The following JADE3 variants were observed in gnomAD, a reference collection of about 807,000 sequenced individuals.
The protein encoded by JADE3 is protein Jade-3.
A neutral mutation model predicts 50.1 loss-of-function variants in JADE3; 2 were observed. The observed-to-expected ratio is 0.04, with a 90% CI of 0.02 to 0.13. The LOEUF is 0.13. Among genes scored for constraint, JADE3 ranks in the 10% least tolerant of loss-of-function variants. The pLI, the probability that JADE3 is intolerant of heterozygous loss-of-function variation, is 1.00. For synonymous variants in JADE3, 218 were observed against 232.9 expected, an observed-to-expected ratio of 0.94 and a Z score of 0.58; for missense variants, 475 against 634.4, an observed-to-expected ratio of 0.75 and a Z score of 2.70.
At chrX:46,969,833 A>T (rs1436555544) in intron 1 of JADE3, among the ~76,000 whole-genome samples, 1 of 112,125 alleles carries the variant, frequency 8.9e-6, no homozygotes, top group Non-Finnish European at 1.9e-5. Flanking sequence ...CCATCTCAAA[A>T]AGAAAAACTT....
At chrX:47,037,058 C>A (rs1482001933) in intron 7 of JADE3, among the ~76,000 whole-genome samples, 13 of 96,963 alleles carry the variant, frequency 1.3e-4, no homozygotes, top group African/African-American at 5.1e-4. Context: ...ATGTATACAT[C>A]TGTAACTAAC....
intron 1 of JADE3, among the ~76,000 whole-genome samples, chrX:46,932,755 A>G (rs1556340142): frequency 9.0e-6 from 1 of 111,485 alleles, no homozygotes; most frequent in African/African-American, 3.3e-5. Flanking sequence ...AATTTTGGAT[A>G]CCTCTGCAGG....
At chrX:47,032,884 A>G (rs782348230) in intron 6 of JADE3, among the ~76,000 whole-genome samples, 4 of 111,575 alleles carry the variant, frequency 3.6e-5, no homozygotes, top group African/African-American at 6.5e-5. Context: ...AGTCTCTAAT[A>G]GAGTAGAGCA....
intron 1 of JADE3, among the ~76,000 whole-genome samples, chrX:46,973,258 A>C (rs1189938075): frequency 8.9e-6 from 1 of 112,518 alleles, no homozygotes; most frequent in Admixed American, 9.4e-5. Context: ...GTAAATTTGT[A>C]TGTTCTTCCT....
intron 1 of JADE3, among the ~76,000 whole-genome samples, chrX:46,928,635 G>A (rs1556339347): frequency 8.9e-6 from 1 of 112,212 alleles, no homozygotes; most frequent in Non-Finnish European, 1.9e-5. Context: ...CGAGGCTGGA[G>A]TACAGTGGTG....
At chrX:47,034,919 C>T (rs1326717320) in intron 7 of JADE3, among the ~76,000 whole-genome samples, 6 of 110,382 alleles carry the variant, frequency 5.4e-5, no homozygotes, top group African/African-American at 2.0e-4. Flanking sequence ...CGGCCGATGC[C>T]CTTTACTTTT....
rs782259335 is a variant in JADE3, at chrX:47,028,036, G to A, written c.620G>A (p.Arg207Gln). The A allele has an allele frequency of 1.5e-5, 18 of 1,206,959 alleles. No individual in the cohort carries two copies. Among genetic ancestry groups the A allele is most frequent in the East Asian group, 1.2e-4 (4 of 33,717 alleles). ...YDEDVICDVC[R>Q]SPDSEEGNDM... Reference sequence around the variant, plus strand: ...GAAGATGTGATCTGTGATGTGTGCCGGTCTCCAGACAGTGAAGAAGGGAAT... The same window carrying A: ...GAAGATGTGATCTGTGATGTGTGCCAGTCTCCAGACAGTGAAGAAGGGAAT... The change falls in exon 6 of 11, where the codon CGG (arginine) becomes CAG (glutamine). Residue 207 changes from arginine (R) to glutamine (Q), a missense_variant. This residue lies in a region of JADE3 where 54 missense variants were observed against 156.2 expected (regional missense o/e 0.35). Transcript: ENST00000614628.
At chrX:46,971,108 ATTTTT>A (rs199889056) in intron 1 of JADE3, among the ~76,000 whole-genome samples, 1 of 46,028 alleles carries the variant, frequency 2.2e-5, no homozygotes, top group Non-Finnish European at 3.7e-5. Flanking sequence ...GGTAGTTGAA[ATTTTT>A]TTTTTTTTTT....
intron 9 of JADE3, 145 bp from the exon 10 acceptor site, chrX:47,055,937 G>A: frequency 2.5e-6 from 1 of 407,576 alleles, no homozygotes; most frequent in Non-Finnish European, 4.4e-6. Context: ...TTCCTGTGGA[G>A]TGGGTCTCAT....
chrX:46,967,923 G>A (rs1247103943), intron 1 of JADE3, among the ~76,000 whole-genome samples: 2 of 112,051 alleles, frequency 1.8e-5, no homozygotes, highest in Admixed American at 9.4e-5. Context: ...ACAGCTCCCC[G>A]CTCCCAAGGC....
At position 46,982,084 on chromosome X, in the gene JADE3, C is replaced by G. The variant is rs1927767370; in HGVS notation, c.-11-2800C>G. ...TCTGCTCCTTTCTCATTCACTTTTC[C>G]TTTTGGTACTCCCATTATGTATATG... On this transcript the variant is annotated intron_variant, in intron 1 of 10. Transcript: ENST00000614628. 4.5e-5 allele frequency among the ~76,000 whole-genome samples: 5 copies of G among 110,659 alleles called. No homozygotes were observed. In the South Asian group the frequency reaches 1.9e-3, roughly 41 times the overall value.
intron 1 of JADE3, among the ~76,000 whole-genome samples, chrX:46,945,455 C>T (rs1926866896): frequency 1.8e-5 from 2 of 111,111 alleles, no homozygotes; most frequent in African/African-American, 6.6e-5. Flanking sequence ...TGATTTCAAC[C>T]TCTGGAAGCT....
chrX:46,933,454 G>A (rs1206489626), intron 1 of JADE3, among the ~76,000 whole-genome samples: 1 of 112,298 alleles, frequency 8.9e-6, no homozygotes, highest in Non-Finnish European at 1.9e-5. Context: ...GGAAGAACAG[G>A]TTAAAACATG....
At chrX:46,996,357 A>G (rs1556357374) in intron 3 of JADE3, among the ~76,000 whole-genome samples, 2 of 112,414 alleles carry the variant, frequency 1.8e-5, no homozygotes, top group African/African-American at 3.2e-5. Context: ...TTCTGAAGCC[A>G]TAGACAAGGA....
chrX:47,030,010 A>G (rs1339984582), intron 6 of JADE3, among the ~76,000 whole-genome samples: 1 of 111,261 alleles, frequency 9.0e-6, no homozygotes, highest in African/African-American at 3.3e-5. Flanking sequence ...TTAGAGAACT[A>G]TTAATGTGTT....
At chrX:47,006,458 AGT>A (rs1928424448) in intron 4 of JADE3, among the ~76,000 whole-genome samples, 1 of 84,471 alleles carries the variant, frequency 1.2e-5, no homozygotes, top group South Asian at 5.6e-4. Flanking sequence ...TAATTTTTGT[AGT>A]TTTTTTTTTT....
chrX:47,032,396 G>A (rs1228649330), intron 6 of JADE3, among the ~76,000 whole-genome samples: 1 of 111,149 alleles, frequency 9.0e-6, no homozygotes, highest in Non-Finnish European at 1.9e-5. Context: ...TTGGAAAATA[G>A]CCAACCCCTA....
At chrX:46,920,328 C>T (rs1569533869) in intron 1 of JADE3, among the ~76,000 whole-genome samples, 1 of 112,539 alleles carries the variant, frequency 8.9e-6, no homozygotes, top group African/African-American at 3.2e-5. Context: ...TGAGTGGAAT[C>T]ATGCAATATG....
chrX:47,006,067 A>G (rs997035279), intron 4 of JADE3, among the ~76,000 whole-genome samples: 35 of 112,072 alleles, frequency 3.1e-4, no homozygotes, highest in Non-Finnish European at 5.6e-5. Flanking sequence ...CCAAAGACAG[A>G]TGCCGACATC....
Sources: allele counts gnomAD v4.1 joint callset (sites outside exome capture counted in the v4.1 genomes callset), GRCh38; gene constraint gnomAD v4.1.1; regional missense constraint gnomAD v4.1.1; transcripts MANE v1.5; gene names NCBI Gene and HGNC (gene_info 2026-07-23, HGNC 2026-07-21).